STAU2: variants seen among roughly 807,000 people sequenced by gnomAD.
STAU2 encodes double-stranded RNA-binding protein Staufen homolog 2.
In STAU2, 20 loss-of-function variants were observed where a neutral mutation model predicts 65.9. The ratio of observed to expected loss-of-function variants is 0.30; its 90% CI spans 0.21 to 0.44. STAU2 has a LOEUF of 0.44. Ranked by LOEUF, STAU2 falls within the 20% of genes least tolerant of loss-of-function variation. The pLI is 1.00. For synonymous variants in STAU2, 232 were observed against 233.9 expected, an observed-to-expected ratio of 0.99 and a Z score of 0.07; for missense variants, 558 against 683.9, an observed-to-expected ratio of 0.82 and a Z score of 2.05.
chr8:73,486,611 T>TTTTATATATATA (rs1554596359), intron 13 of STAU2, among the ~76,000 whole-genome samples: 2 of 143,646 alleles, frequency 1.4e-5, no homozygotes, highest in African/African-American at 5.1e-5. Flanking sequence ...AAAATATCCA[T>TTTTATATATATA]TATATATATA....
In STAU2 at chr8:73,654,663, A is replaced by AAAAAAAAAAAAAAAAAAC. The variant is rs1280392351; in HGVS notation, c.410+18443_410+18444insGTTTTTTTTTTTTTTTTT. Among the ~76,000 whole-genome samples, 11 of 135,634 alleles carry AAAAAAAAAAAAAAAAAAC rather than the reference A, an allele frequency of 8.1e-5. 1 individual carries two copies. Among genetic ancestry groups the AAAAAAAAAAAAAAAAAAC allele is most frequent in the Middle Eastern group, 3.5e-3 (1 of 282 alleles). The allele number at this position is 135,634 out of a possible 152,430, so 89.0% of individuals were successfully genotyped here. ...AAAAAAAAAAAAAAAAAAAAAAAAGAACTCTTTTAATTATCAAACCTTTTT... is the reference window on the plus strand; with the variant it reads ...AAAAAAAAAAAAAAAAAAAAAAAAGAAAAAAAAAAAAAAAAAACACTCTTTTAATTATCAAACCTTTTT... On this transcript the variant is annotated intron_variant, in intron 6 of 14. Transcript: ENST00000524300.
chr8:73,536,295 G>A (rs996777964), intron 13 of STAU2, among the ~76,000 whole-genome samples: 21 of 152,086 alleles, frequency 1.4e-4, no homozygotes, highest in African/African-American at 4.8e-4. Context: ...TCCTTGGCTG[G>A]GTACCAGAAA....
chr8:73,518,043 T>C (rs1563397845), intron 13 of STAU2, among the ~76,000 whole-genome samples: 1 of 151,562 alleles, frequency 6.6e-6, no homozygotes, highest in African/African-American at 2.4e-5. Context: ...CTTTATTACT[T>C]AAAAAAAAAG....
chr8:73,476,742 G>A (rs11785879), intron 13 of STAU2, among the ~76,000 whole-genome samples: 6,321 of 152,260 alleles, frequency 0.042, 268 homozygotes, highest in African/African-American at 0.11. Flanking sequence ...GGGGGGTGTA[G>A]ATTGTACTTT....
intron 4 of STAU2, 119 bp downstream of exon 4, chr8:73,708,912 TA>T (rs1248468400): frequency 2.2e-6 from 2 of 914,590 alleles, no homozygotes; most frequent in Non-Finnish European, 3.0e-6. Context: ...AATGTAGAAC[TA>T]AAAGCCTTCA....
intron 1 of STAU2, among the ~76,000 whole-genome samples, chr8:73,740,712 T>G (rs10106776): frequency 0.091 from 13,894 of 152,080 alleles, 779 homozygotes; most frequent in African/African-American, 0.15. Context: ...CTAGAATTTA[T>G]CATTACTGGT....
At chr8:73,509,863 T>C (rs1322155769) in intron 13 of STAU2, among the ~76,000 whole-genome samples, 1 of 152,098 alleles carries the variant, frequency 6.6e-6, no homozygotes, top group African/African-American at 2.4e-5. Flanking sequence ...GCAGAGGAAA[T>C]TTCTTTTTTG....
At chr8:73,669,145 G>A in intron 6 of STAU2, 1 of 700,936 alleles carries the variant, frequency 1.4e-6, no homozygotes, top group Non-Finnish European at 2.6e-6. Context: ...AATCATGGTT[G>A]TAACAGCCTA....
chr8:73,669,667 C>CTCTCTT (rs1217898831), intron 6 of STAU2, among the ~76,000 whole-genome samples: 1 of 151,678 alleles, frequency 6.6e-6, no homozygotes, highest in Non-Finnish European at 1.5e-5. Flanking sequence ...CTCTCTCTCT[C>CTCTCTT]TCTCAACATT....
intron 6 of STAU2, among the ~76,000 whole-genome samples, chr8:73,633,075 T>C (rs1814219116): frequency 2.0e-5 from 3 of 152,336 alleles, no homozygotes; most frequent in Non-Finnish European, 2.9e-5. Flanking sequence ...GTATCCAGCA[T>C]GATACCTAGC....
intron 4 of STAU2, among the ~76,000 whole-genome samples, chr8:73,698,938 A>G (rs1353698884): frequency 1.1e-5 from 1 of 95,072 alleles, no homozygotes; most frequent in African/African-American, 3.7e-5. Context: ...AAAAAAAAAG[A>G]GAGAGAGAGA....
rs1554563848 is a variant in STAU2, at chr8:73,687,368, A to AAATTAT, written c.274+1285_274+1286insATAATT. On this transcript the variant is annotated intron_variant, in intron 5 of 14. Coordinates refer to ENST00000524300, the MANE Select transcript of STAU2 (RefSeq NM_001164380.2). ...TTTATAATTTATATAATATAAATAT[A>AAATTAT]ATTTATAATTTATATTTATAAAAAT... Among the ~76,000 whole-genome samples the AAATTAT allele has an allele frequency of 6.8e-5, 8 of 116,794 alleles. 1 individual carries two copies. The highest frequency in any genetic ancestry group is 1.0e-4 in the Non-Finnish European group (6 of 59,984). The allele number at this position is 116,794 out of a possible 152,430, so 76.6% of individuals were successfully genotyped here. A position where few individuals can be genotyped will look rare whatever the true frequency, so the allele number is the denominator to read the frequency against.
chr8:73,542,220 T>C (rs1682631187), intron 13 of STAU2, among the ~76,000 whole-genome samples: 1 of 152,100 alleles, frequency 6.6e-6, no homozygotes, highest in Non-Finnish European at 1.5e-5. Flanking sequence ...ATTCCTTGCT[T>C]AAGCCTAGAC....
At chr8:73,697,313 A>G (rs1819752664) in intron 4 of STAU2, 1 of 152,240 alleles carries the variant, frequency 6.6e-6, no homozygotes, top group Admixed American at 6.5e-5. Flanking sequence ...TTCACCTAGA[A>G]TAGTATATCT....
At chr8:73,611,672 G>GATTATT (rs954725394) in intron 9 of STAU2, among the ~76,000 whole-genome samples, 1 of 149,550 alleles carries the variant, frequency 6.7e-6, no homozygotes, top group Non-Finnish European at 1.5e-5. Context: ...TTATTATTAT[G>GATTATT]ATTATTATTA....
intron 6 of STAU2, among the ~76,000 whole-genome samples, chr8:73,671,676 T>C (rs537840698): frequency 2.2e-4 from 34 of 152,124 alleles, no homozygotes; most frequent in Admixed American, 2.2e-3. Context: ...GATAAAAAAA[T>C]AGACATACAT....
At chr8:73,479,402 C>T (rs546601412) in intron 13 of STAU2, among the ~76,000 whole-genome samples, 2 of 151,494 alleles carry the variant, frequency 1.3e-5, no homozygotes, top group South Asian at 2.1e-4. Flanking sequence ...CTTCCCTTCA[C>T]GGCATGAGAC....
chr8:73,443,458 T>C (rs561085254), intron 13 of STAU2, among the ~76,000 whole-genome samples: 1 of 152,358 alleles, frequency 6.6e-6, no homozygotes, highest in Non-Finnish European at 1.5e-5. Context: ...GGCAATATCC[T>C]AATTTGTAAA....
intron 13 of STAU2, among the ~76,000 whole-genome samples, chr8:73,436,812 C>T (rs1187352076): frequency 1.3e-5 from 2 of 151,992 alleles, no homozygotes; most frequent in African/African-American, 2.4e-5. Context: ...GTCTCAAACT[C>T]CTGACCTCAG....
Sources: gnomAD v4.1 joint callset for allele counts (sites outside exome capture counted in the v4.1 genomes callset) on GRCh38, gnomAD v4.1.1 for gene constraint, MANE v1.5 for transcripts, NCBI Gene and HGNC (gene_info 2026-07-23, HGNC 2026-07-21) for gene names.